PBLD: variants seen among roughly 807,000 people sequenced by gnomAD.
PBLD encodes phenazine biosynthesis like protein domain containing.
PBLD carries 26 observed loss-of-function variants against 31.3 expected under a neutral mutation model. That is an observed-to-expected ratio of 0.83 (90% CI 0.61 to 1.15). The LOEUF is 1.15. PBLD is among the 50% of genes most tolerant of loss of function. The probability of loss-of-function intolerance (pLI) is 0.00; values close to 1 mark genes in which losing one functional copy is unlikely to be tolerated. For synonymous variants in PBLD, 114 were observed against 129.0 expected (o/e 0.88, Z 0.79); for missense variants, 307 against 351.7 (o/e 0.87, Z 1.02).
intron 1 of PBLD, among the ~76,000 whole-genome samples, chr10:68,326,440 T>C (rs1347097970): frequency 1.3e-5 from 2 of 152,226 alleles, no homozygotes; most frequent in Non-Finnish European, 2.9e-5. Context: ...CAGCTGCATC[T>C]GCCTATATTG....
At chr10:68,296,099 G>A in intron 4 of PBLD, 167 bp downstream of exon 4, 1 of 493,036 alleles carries the variant, frequency 2.0e-6, no homozygotes, top group Non-Finnish European at 3.7e-6. Flanking sequence ...AGGCCAAAGT[G>A]CTATTGAAGG....
chr10:68,296,089 A>G, intron 4 of PBLD, 177 bp downstream of exon 4: 1 of 453,900 alleles, frequency 2.2e-6, no homozygotes. Flanking sequence ...ATACTCAGAA[A>G]GGCCAAAGTG....
intron 9 of PBLD, among the ~76,000 whole-genome samples, chr10:68,284,581 C>T (rs757098103): frequency 3.3e-5 from 5 of 152,178 alleles, no homozygotes; most frequent in African/African-American, 9.7e-5. Flanking sequence ...CCCCACTCAT[C>T]GCTTCTTCCC....
chr10:68,286,280 G>T (rs573420919), intron 8 of PBLD, among the ~76,000 whole-genome samples: 3 of 151,520 alleles, frequency 2.0e-5, no homozygotes, highest in East Asian at 2.0e-4. Flanking sequence ...TGTAGACAGG[G>T]TTTTACTATG....
chr10:68,293,255 A>T (rs1400888875), intron 4 of PBLD, among the ~76,000 whole-genome samples: 1 of 152,206 alleles, frequency 6.6e-6, no homozygotes, highest in African/African-American at 2.4e-5. Context: ...GAATAACAAA[A>T]CATTTAAGTT....
At chr10:68,325,074 T>G (rs2044896494) in intron 1 of PBLD, among the ~76,000 whole-genome samples, 1 of 151,764 alleles carries the variant, frequency 6.6e-6, no homozygotes. Context: ...TGAAACCCTG[T>G]TTCTACTGAA....
At chr10:68,326,156 C>T (rs1293392364) in intron 1 of PBLD, among the ~76,000 whole-genome samples, 1 of 152,120 alleles carries the variant, frequency 6.6e-6, no homozygotes, top group Non-Finnish European at 1.5e-5. Flanking sequence ...GCAACCTCCG[C>T]CTCCTGAGTA....
chr10:68,308,381 C>T (rs1196246122), intron 1 of PBLD, among the ~76,000 whole-genome samples: 1 of 152,004 alleles, frequency 6.6e-6, no homozygotes, highest in Non-Finnish European at 1.5e-5. Flanking sequence ...ATATATATTC[C>T]TAAAAGTGAA....
Position 68,296,994 on chromosome 10 carries a change from G to A in PBLD, c.85-9C>T. ...ATGTCTTCATCCAATTCCTTAATTA[G>A]AAACAGACGATCATTGAGGTTTCAA... On this transcript the variant is annotated splice_polypyrimidine_tract_variant and intron_variant, in intron 2 of 9. Transcript: ENST00000358769. The A allele has an allele frequency of 6.3e-7, 1 of 1,595,184 alleles. No homozygotes were observed.
chr10:68,307,956 T>G (rs1223514024), intron 1 of PBLD, among the ~76,000 whole-genome samples: 2 of 152,156 alleles, frequency 1.3e-5, no homozygotes, highest in African/African-American at 4.8e-5. Context: ...TAAAGACCCA[T>G]AAGTGCACAA....
At chr10:68,301,141 C>T (rs2044500720) in intron 2 of PBLD, among the ~76,000 whole-genome samples, 1 of 152,160 alleles carries the variant, frequency 6.6e-6, no homozygotes, top group African/African-American at 2.4e-5. Context: ...GGTGATCCAC[C>T]CACCTCGGCC....
intron 4 of PBLD, among the ~76,000 whole-genome samples, chr10:68,295,263 T>C (rs2134444037): frequency 6.6e-6 from 1 of 150,906 alleles, no homozygotes; most frequent in East Asian, 2.0e-4. Context: ...GAGGCCAAGG[T>C]GGGCAGACCA....
intron 1 of PBLD, among the ~76,000 whole-genome samples, chr10:68,311,373 T>G (rs963519501): frequency 1.3e-5 from 2 of 150,786 alleles, no homozygotes; most frequent in Non-Finnish European, 3.0e-5. Flanking sequence ...GATCACAAGG[T>G]CAGAAGATTG....
chr10:68,312,976 T>C (rs2044691010), intron 1 of PBLD, among the ~76,000 whole-genome samples: 1 of 152,158 alleles, frequency 6.6e-6, no homozygotes, highest in Non-Finnish European at 1.5e-5. Context: ...GGTGGTGCGA[T>C]CAATCACAGT....
intron 2 of PBLD, among the ~76,000 whole-genome samples, chr10:68,302,057 T>C (rs2044512486): frequency 6.6e-6 from 1 of 152,220 alleles, no homozygotes; most frequent in African/African-American, 2.4e-5. Context: ...TGGAAAGACT[T>C]CAACTTTGAA....
chr10:68,317,448 C>A (rs934595677), intron 1 of PBLD, among the ~76,000 whole-genome samples: 4 of 152,094 alleles, frequency 2.6e-5, no homozygotes, highest in African/African-American at 9.7e-5. Context: ...TAGGGAAATG[C>A]AAATCCAAAC....
chr10:68,285,047 T>C, intron 9 of PBLD: 1 of 1,236,956 alleles, frequency 8.1e-7, no homozygotes, highest in Non-Finnish European at 1.0e-6. Context: ...TCATCCAGTC[T>C]CAACCCATCA....
At chr10:68,290,000 C>T (rs2044337994) in intron 6 of PBLD, among the ~76,000 whole-genome samples, 1 of 152,078 alleles carries the variant, frequency 6.6e-6, no homozygotes, top group Admixed American at 6.6e-5. Flanking sequence ...TACCCTGGTT[C>T]ACTCTACCTG....
chr10:68,287,701 C>G (rs1298285635), intron 8 of PBLD: 1 of 152,294 alleles, frequency 6.6e-6, no homozygotes, highest in African/African-American at 2.4e-5. Context: ...CATCCCTCTG[C>G]TCCCAGGTGG....
Sources: allele counts gnomAD v4.1 joint callset (sites outside exome capture counted in the v4.1 genomes callset), GRCh38; gene constraint gnomAD v4.1.1; transcripts MANE v1.5; gene names NCBI Gene and HGNC (gene_info 2026-07-23, HGNC 2026-07-21).